AMOTL1: variants seen among roughly 807,000 people sequenced by gnomAD.
AMOTL1 encodes angiomotin like 1.
AMOTL1 carries 45 observed loss-of-function variants against 102.9 expected under a neutral mutation model. The observed-to-expected ratio is 0.44, with a 90% CI of 0.34 to 0.56. AMOTL1 has a LOEUF of 0.56. Ranked by LOEUF, AMOTL1 falls within the 20% of genes least tolerant of loss-of-function variation. AMOTL1 has a pLI of 0.01. For missense variants in AMOTL1, 1,114 were observed against 1,225.6 expected, an observed-to-expected ratio of 0.91 and a Z score of 1.36; for synonymous variants, 481 against 484.7, an observed-to-expected ratio of 0.99 and a Z score of 0.10.
At position 94,768,573 on chromosome 11, in the gene AMOTL1, C is replaced by T. The variant is rs190343179; in HGVS notation, c.49+13C>T. On this transcript the variant is annotated intron_variant, in intron 1 of 12. Transcript: ENST00000433060. Reference sequence around the variant, plus strand: ...CCTGCGGTGAAAGGTAACCAGCCCCCACTCGAGGTGCCGGGAGGGCGTCTC... The same window carrying T: ...CCTGCGGTGAAAGGTAACCAGCCCCTACTCGAGGTGCCGGGAGGGCGTCTC... 1.7e-5 allele frequency: 27 copies of T among 1,589,028 alleles called. No homozygotes were observed. Among genetic ancestry groups the T allele is most frequent in the Non-Finnish European group, 2.1e-5 (25 of 1,168,212 alleles).
At chr11:94,715,406 A>G (rs1027742303) in intron 1 of AMOTL1, among the ~76,000 whole-genome samples, 4 of 152,050 alleles carry the variant, frequency 2.6e-5, no homozygotes, top group African/African-American at 9.7e-5. Flanking sequence ...CCTGGCCTCA[A>G]GTGATCCTCC....
At chr11:94,725,334 A>G (rs1950239834) in intron 1 of AMOTL1, among the ~76,000 whole-genome samples, 1 of 152,144 alleles carries the variant, frequency 6.6e-6, no homozygotes, top group Non-Finnish European at 1.5e-5. Context: ...TGAGATGGAG[A>G]AATTTCCAGA....
intron 3 of AMOTL1, among the ~76,000 whole-genome samples, chr11:94,804,510 T>G (rs1373561693): frequency 6.6e-6 from 1 of 152,196 alleles, no homozygotes; most frequent in Non-Finnish European, 1.5e-5. Context: ...AAGGCTGGTC[T>G]TGAACTCCTG....
At chr11:94,724,937 T>G (rs1950231573) in intron 1 of AMOTL1, among the ~76,000 whole-genome samples, 1 of 152,134 alleles carries the variant, frequency 6.6e-6, no homozygotes, top group Admixed American at 6.6e-5. Flanking sequence ...ACATGGTACT[T>G]CTAGTTAATG....
rs995248116 is a variant in AMOTL1, at chr11:94,874,295, G to A, written c.*3500G>A. The A allele has an allele frequency of 1.3e-5, 2 of 152,242 alleles. No homozygotes were observed. Among genetic ancestry groups the A allele is most frequent in the African/African-American group, 2.4e-5 (1 of 41,450 alleles). The allele number at this position is 152,242 out of a possible 1,614,324, so 9.4% of individuals were successfully genotyped here. A position where few individuals can be genotyped will look rare whatever the true frequency, so the allele number is the denominator to read the frequency against. Reference sequence around the variant, plus strand: ...AGCATGTGCAGAACCCTTTCTTAGCGTTTTCTTCTCAGCATTTTCTCTGCC... The same window carrying A: ...AGCATGTGCAGAACCCTTTCTTAGCATTTTCTTCTCAGCATTTTCTCTGCC... On this transcript the variant is annotated 3_prime_UTR_variant, in exon 13 of 13. Transcript: ENST00000433060.
At chr11:94,767,061 G>GTCAGTGCC (rs1565344000), upstream of AMOTL1, among the ~76,000 whole-genome samples, 1 of 151,998 alleles carries the variant, frequency 6.6e-6, no homozygotes, top group Non-Finnish European at 1.5e-5. Flanking sequence ...CTTCTGTGTA[G>GTCAGTGCC]TCAGTGCCTC....
intron 2 of AMOTL1, among the ~76,000 whole-genome samples, chr11:94,797,476 A>T (rs966607226): frequency 6.6e-6 from 1 of 152,222 alleles, no homozygotes; most frequent in African/African-American, 2.4e-5. Flanking sequence ...ATGCGAAGAC[A>T]TGATCTTTGC....
intron 6 of AMOTL1, among the ~76,000 whole-genome samples, chr11:94,839,558 G>T (rs1246526907): frequency 6.6e-6 from 1 of 152,226 alleles, no homozygotes; most frequent in African/African-American, 2.4e-5. Flanking sequence ...TACCAGGTGA[G>T]TGGAGAGATG....
intron 3 of AMOTL1, among the ~76,000 whole-genome samples, chr11:94,758,149 A>T (rs1950749149): frequency 6.6e-6 from 1 of 152,236 alleles, no homozygotes; most frequent in African/African-American, 2.4e-5. Flanking sequence ...AATTAATTTC[A>T]GGGTTTTTTG....
At chr11:94,840,243 T>C (rs184613818) in intron 6 of AMOTL1, among the ~76,000 whole-genome samples, 1 of 152,364 alleles carries the variant, frequency 6.6e-6, no homozygotes, top group Admixed American at 6.5e-5. Flanking sequence ...AAACTATTTT[T>C]AGTTCGTGAA....
Position 94,821,632 on chromosome 11 carries a change from G to A in AMOTL1, c.1224G>A (p.Pro408=), listed in dbSNP as rs370986721. 3.0e-5 allele frequency: 49 copies of A among 1,613,602 alleles called. No homozygotes were observed. The East Asian group carries it at 5.1e-4, about 17-fold the overall frequency. The change falls in exon 4 of 13, where the codon CCG becomes CCA. Residue 408 remains proline, a synonymous_variant. Transcript: ENST00000433060. ...ASGPLHSVSL[P]LPLPMALGAP... Reference sequence around the variant, plus strand: ...GGCCACTGCACTCTGTCTCCCTGCCGCTTCCACTCCCGATGGCCCTGGGTG... The same window carrying A: ...GGCCACTGCACTCTGTCTCCCTGCCACTTCCACTCCCGATGGCCCTGGGTG...
At chr11:94,743,742 T>A (rs1393193375) in intron 3 of AMOTL1, among the ~76,000 whole-genome samples, 1 of 132,506 alleles carries the variant, frequency 7.5e-6, no homozygotes, top group Non-Finnish European at 1.5e-5. Context: ...TACTGCAACC[T>A]CTGTCTCCTG....
In AMOTL1 at chr11:94,872,866, T is replaced by A. The variant is rs1953026963; in HGVS notation, c.*2071T>A. 1 of 152,208 alleles carries A rather than the reference T, an allele frequency of 6.6e-6. No homozygotes were observed. Among genetic ancestry groups the A allele is most frequent in the African/African-American group, 2.4e-5 (1 of 41,418 alleles). The allele number at this position is 152,208 out of a possible 1,614,324, so 9.4% of individuals were successfully genotyped here. A position where few individuals can be genotyped will look rare whatever the true frequency, so the allele number is the denominator to read the frequency against. On this transcript the variant is annotated 3_prime_UTR_variant, in exon 13 of 13. Transcript: ENST00000433060. ...GATGGACATGGGTGGGGAGAGGGCATAGACATCCCTTCCTAATCTCTGTTC... is the reference window on the plus strand; with the variant it reads ...GATGGACATGGGTGGGGAGAGGGCAAAGACATCCCTTCCTAATCTCTGTTC...
chr11:94,797,332 C>A (rs1951388145), intron 2 of AMOTL1, among the ~76,000 whole-genome samples: 1 of 152,138 alleles, frequency 6.6e-6, no homozygotes, highest in African/African-American at 2.4e-5. Context: ...ATCCTTAATG[C>A]ACTACTTAAT....
intron 7 of AMOTL1, among the ~76,000 whole-genome samples, chr11:94,850,681 T>C (rs1230781556): frequency 6.6e-6 from 1 of 152,118 alleles, no homozygotes; most frequent in Admixed American, 6.5e-5. Context: ...ATCCAGGCTA[T>C]AGATGAAGAA....
intron 3 of AMOTL1, among the ~76,000 whole-genome samples, chr11:94,803,346 C>G (rs1406566169): frequency 1.3e-5 from 2 of 152,196 alleles, no homozygotes; most frequent in Non-Finnish European, 2.9e-5. Flanking sequence ...CCTGGGAACC[C>G]TCTGGGAGAT....
chr11:94,747,426 A>G (rs1361823216), intron 3 of AMOTL1, among the ~76,000 whole-genome samples: 1 of 152,226 alleles, frequency 6.6e-6, no homozygotes, highest in Non-Finnish European at 1.5e-5. Context: ...CTGAGGGCCA[A>G]TATGCAAGGA....
chr11:94,849,979 A>G (rs1475806901), intron 6 of AMOTL1, 135 bp from the exon 7 acceptor site: 1 of 1,113,206 alleles, frequency 9.0e-7, no homozygotes, highest in African/African-American at 1.6e-5. Context: ...ATGAAAAGGG[A>G]GCAGAAACAG....
intron 2 of AMOTL1, among the ~76,000 whole-genome samples, chr11:94,731,013 T>C (rs1217695500): frequency 1.3e-5 from 2 of 152,188 alleles, no homozygotes; most frequent in Non-Finnish European, 2.9e-5. Flanking sequence ...AAAAACTCCA[T>C]ACTGTGACCA....
Sources: gnomAD v4.1 joint callset for allele counts (sites outside exome capture counted in the v4.1 genomes callset) on GRCh38, gnomAD v4.1.1 for gene constraint, MANE v1.5 for transcripts, NCBI Gene and HGNC (gene_info 2026-07-23, HGNC 2026-07-21) for gene names.